Variants in MACROD2 observed in about 807,000 individuals in gnomAD.
The protein encoded by MACROD2 is mono-ADP ribosylhydrolase 2.
MACROD2 carries 36 observed loss-of-function variants against 70.4 expected under a neutral mutation model. The ratio of observed to expected loss-of-function variants is 0.51; its 90% CI spans 0.39 to 0.68. The LOEUF (loss-of-function observed/expected upper bound fraction) is 0.68, where lower values mean the gene tolerates loss of function less well. Ranked by LOEUF, MACROD2 falls within the 30% of genes least tolerant of loss-of-function variation. MACROD2 has a pLI of 0.00. For synonymous variants in MACROD2, 172 were observed against 178.8 expected (o/e 0.96, Z 0.30); for missense variants, 496 against 538.4 (o/e 0.92, Z 0.78).
intron 5 of MACROD2, among the ~76,000 whole-genome samples, chr20:14,806,333 A>G (rs2072638469): frequency 6.6e-6 from 1 of 152,074 alleles, no homozygotes; most frequent in Non-Finnish European, 1.5e-5. Flanking sequence ...GCGTTGCCTC[A>G]CTGAAGAAGC....
At chr20:14,203,558 A>G (rs1257319579) in intron 3 of MACROD2, among the ~76,000 whole-genome samples, 2 of 152,172 alleles carry the variant, frequency 1.3e-5, no homozygotes, top group East Asian at 1.9e-4. Flanking sequence ...ATTTTTTTCT[A>G]TAATCATATC....
At chr20:15,700,881 A>C (rs188424239) in intron 8 of MACROD2, among the ~76,000 whole-genome samples, 2 of 152,362 alleles carry the variant, frequency 1.3e-5, no homozygotes, top group Non-Finnish European at 2.9e-5. Flanking sequence ...GATATAAATC[A>C]TTAATTCATT....
At chr20:15,763,143 T>C (rs535133216) in intron 8 of MACROD2, among the ~76,000 whole-genome samples, 1 of 152,318 alleles carries the variant, frequency 6.6e-6, no homozygotes, top group South Asian at 2.1e-4. Flanking sequence ...TTTTACCTGA[T>C]AACTGATACT....
chr20:15,977,310 G>A (rs1170425102), intron 13 of MACROD2, among the ~76,000 whole-genome samples: 1 of 152,172 alleles, frequency 6.6e-6, no homozygotes, highest in African/African-American at 2.4e-5. Context: ...CAATGTGACT[G>A]GAAACTTCAT....
At chr20:15,642,855 T>G (rs894963154) in intron 8 of MACROD2, among the ~76,000 whole-genome samples, 3 of 152,036 alleles carry the variant, frequency 2.0e-5, no homozygotes, top group African/African-American at 7.2e-5. Context: ...GCCACATGCA[T>G]ACACACGGGA....
chr20:15,304,543 C>T (rs1353066913), intron 6 of MACROD2, among the ~76,000 whole-genome samples: 1 of 152,014 alleles, frequency 6.6e-6, no homozygotes, highest in Non-Finnish European at 1.5e-5. Flanking sequence ...TTCCCAGTAC[C>T]CCTCCCCATC....
intron 3 of MACROD2, among the ~76,000 whole-genome samples, chr20:14,124,502 A>G: frequency 6.6e-6 from 1 of 152,170 alleles, no homozygotes. Context: ...TTCATCACAG[A>G]ACTTGGTACA....
intron 5 of MACROD2, among the ~76,000 whole-genome samples, chr20:14,697,875 A>C (rs1474088934): frequency 6.6e-6 from 1 of 152,196 alleles, no homozygotes. Flanking sequence ...ACCAGTTTCT[A>C]GGCAGTGCCT....
intron 11 of MACROD2, 159 bp downstream of exon 11, chr20:15,933,497 C>G (rs1405980194): frequency 6.8e-6 from 4 of 584,200 alleles, no homozygotes; most frequent in Non-Finnish European, 1.2e-5. Context: ...TCTCCGATAA[C>G]TATGAGTTGA....
chr20:14,286,403 G>T (rs954928269), intron 3 of MACROD2, among the ~76,000 whole-genome samples: 13 of 151,970 alleles, frequency 8.6e-5, no homozygotes, highest in African/African-American at 3.1e-4. Context: ...ATGGGTTTTT[G>T]TTATAATAGC....
At chr20:14,531,448 G>C (rs6042783) in intron 4 of MACROD2, among the ~76,000 whole-genome samples, 10,315 of 152,176 alleles carry the variant, frequency 0.068, 1,169 homozygotes, top group African/African-American at 0.23. Context: ...GTGACCAGAA[G>C]CTGGAATTAG....
At chr20:15,060,407 A>G (rs2075522919) in intron 5 of MACROD2, among the ~76,000 whole-genome samples, 1 of 152,064 alleles carries the variant, frequency 6.6e-6, no homozygotes, top group Non-Finnish European at 1.5e-5. Context: ...TTCCCCGTTT[A>G]CCAAGCACGG....
chr20:15,154,867 G>A (rs910917739), intron 5 of MACROD2, among the ~76,000 whole-genome samples: 2 of 152,126 alleles, frequency 1.3e-5, no homozygotes, highest in Non-Finnish European at 2.9e-5. Context: ...TTCTTATATA[G>A]GAAAGCATTT....
intron 4 of MACROD2, among the ~76,000 whole-genome samples, chr20:14,607,932 A>G (rs1052563304): frequency 2.0e-5 from 3 of 152,086 alleles, no homozygotes; most frequent in Non-Finnish European, 2.9e-5. Context: ...TAGCTACTTG[A>G]ATTATTTTTA....
At chr20:14,776,878 A>G (rs1209399177) in intron 5 of MACROD2, among the ~76,000 whole-genome samples, 1 of 151,914 alleles carries the variant, frequency 6.6e-6, no homozygotes, top group Non-Finnish European at 1.5e-5. Context: ...AGTTTTGCCT[A>G]TTTTCCAAAT....
chr20:15,403,159 G>A (rs1213970409), intron 6 of MACROD2, among the ~76,000 whole-genome samples: 3 of 151,932 alleles, frequency 2.0e-5, no homozygotes, highest in African/African-American at 7.3e-5. Flanking sequence ...GTAGAGACGG[G>A]GTTTCACTAT....
At chr20:14,940,043 G>C (rs1419596598) in intron 5 of MACROD2, among the ~76,000 whole-genome samples, 1 of 141,488 alleles carries the variant, frequency 7.1e-6, no homozygotes, top group Non-Finnish European at 1.5e-5. Context: ...CATGTCGTCT[G>C]TATATAGGAA....
intron 3 of MACROD2, among the ~76,000 whole-genome samples, chr20:14,213,830 T>G (rs1358943917): frequency 6.6e-6 from 1 of 152,106 alleles, no homozygotes; most frequent in Non-Finnish European, 1.5e-5. Context: ...GTTTTCTTTA[T>G]TTTTTACTAT....
At chr20:15,799,497 A>G (rs1388645909) in intron 8 of MACROD2, among the ~76,000 whole-genome samples, 1 of 152,098 alleles carries the variant, frequency 6.6e-6, no homozygotes, top group African/African-American at 2.4e-5. Context: ...TCCCTCCTCC[A>G]TAAGATTAAT....
Sources: gnomAD v4.1 joint callset for allele counts (sites outside exome capture counted in the v4.1 genomes callset) on GRCh38, gnomAD v4.1.1 for gene constraint, MANE v1.5 for transcripts, NCBI Gene and HGNC (gene_info 2026-07-23, HGNC 2026-07-21) for gene names.